CDH22: variants seen among roughly 807,000 people sequenced by gnomAD.
CDH22 encodes the protein cadherin-22.
In CDH22, 30 loss-of-function variants were observed where a neutral mutation model predicts 58.4. That is an observed-to-expected ratio of 0.51 (90% CI 0.38 to 0.70). The LOEUF (loss-of-function observed/expected upper bound fraction) is 0.70. Among genes scored for constraint, CDH22 ranks in the 30% least tolerant of loss-of-function variants. The probability of loss-of-function intolerance (pLI) is 0.00; values close to 1 mark genes in which losing one functional copy is unlikely to be tolerated. For missense variants in CDH22, 1,014 were observed against 1,233.9 expected, an observed-to-expected ratio of 0.82 and a Z score of 2.67; for synonymous variants, 513 against 558.2, an observed-to-expected ratio of 0.92 and a Z score of 1.14.
At chr20:46,199,962 A>C (rs80041503) in intron 7 of CDH22, among the ~76,000 whole-genome samples, 7 of 82,766 alleles carry the variant, frequency 8.5e-5, no homozygotes, top group Non-Finnish European at 8.0e-5. Flanking sequence ...TTTTTTGTTT[A>C]TTTATTTTAT....
intron 2 of CDH22, among the ~76,000 whole-genome samples, chr20:46,246,861 C>T (rs988078919): frequency 2.0e-5 from 3 of 152,164 alleles, no homozygotes; most frequent in Non-Finnish European, 4.4e-5. Flanking sequence ...TTAACTGAAA[C>T]CGTGGTGAAG....
At chr20:46,266,296 G>A (rs1042089409) in intron 1 of CDH22, among the ~76,000 whole-genome samples, 2 of 152,188 alleles carry the variant, frequency 1.3e-5, no homozygotes, top group African/African-American at 2.4e-5. Flanking sequence ...ATGGCTGTCC[G>A]TAGGATGCAC....
At chr20:46,238,021 G>A (rs907883262) in intron 3 of CDH22, among the ~76,000 whole-genome samples, 1 of 152,134 alleles carries the variant, frequency 6.6e-6, no homozygotes, top group Non-Finnish European at 1.5e-5. Context: ...CACCATGGTG[G>A]AGATGAGGCT....
intron 11 of CDH22, 87 bp from the exon 12 acceptor site, chr20:46,175,164 C>CA (rs1251004443): frequency 1.5e-6 from 2 of 1,332,440 alleles, no homozygotes; most frequent in Admixed American, 5.0e-5. Context: ...TCCCGCCTCC[C>CA]ACCCAGCAGA....
intron 7 of CDH22, among the ~76,000 whole-genome samples, chr20:46,201,022 T>G (rs2085957096): frequency 6.6e-6 from 1 of 152,126 alleles, no homozygotes; most frequent in Non-Finnish European, 1.5e-5. Flanking sequence ...TCCGCCTTCT[T>G]CCCGGGCCTT....
chr20:46,285,775 C>A (rs549860919), intron 1 of CDH22, among the ~76,000 whole-genome samples: 2 of 152,294 alleles, frequency 1.3e-5, no homozygotes, highest in Admixed American at 1.3e-4. Flanking sequence ...GACACATATA[C>A]ATTGTGCTCC....
chr20:46,265,863 G>A (rs2086456876), intron 1 of CDH22, among the ~76,000 whole-genome samples: 1 of 149,262 alleles, frequency 6.7e-6, no homozygotes, highest in South Asian at 2.1e-4. Context: ...TTCTCTTCCT[G>A]TTCCACCTCC....
rs552197349 is a variant in CDH22, at chr20:46,205,753, T to G, written c.1286+4554A>C. On this transcript the variant is annotated intron_variant, in intron 7 of 11. Coordinates refer to ENST00000537909, the MANE Select transcript of CDH22 (RefSeq NM_021248.3). The stretch of plus-strand genomic sequence containing the variant: ...ACTGCCTAGAGGATAAAGTCCCACT[T>G]CTTCATGTGGCATTCAATGTCCTTC... 5.9e-5 allele frequency among the ~76,000 whole-genome samples: 9 copies of G among 152,238 alleles called. No homozygotes were observed. In the Middle Eastern group the frequency reaches 0.01, roughly 173 times the overall value.
rs567015099 is a variant in CDH22 at position 46,255,302 on chromosome 20, G to C, written c.-399-3609C>G. ...GCTGGGATTACAGATGTGAGCCACC[G>C]TGCCTGGCCAAGATCCCCACTTTAC... On this transcript the variant is annotated intron_variant, in intron 1 of 11. Transcript: ENST00000537909. 3.3e-3 allele frequency among the ~76,000 whole-genome samples: 505 copies of C among 152,262 alleles called. 2 individuals carry two copies. The highest frequency in any genetic ancestry group is 5.9e-3 in the Non-Finnish European group (399 of 68,018).
rs369007806 is a variant in CDH22 at position 46,174,977 on chromosome 20, G to A, written c.2016C>T (p.Asp672=). The A allele has an allele frequency of 1.2e-6, 2 of 1,605,896 alleles. No individual in the cohort carries two copies. Among genetic ancestry groups the A allele is most frequent in the Admixed American group, 1.7e-5 (1 of 59,852 alleles). Residue 672 remains aspartate (D), a synonymous_variant, in exon 12 of 12, where the codon GAC becomes GAT. Coordinates refer to ENST00000537909, the MANE Select transcript of CDH22 (RefSeq NM_021248.3). This position sits in a 1 kb window ranked among gnomAD's most constrained non-coding sequence, Gnocchi z 4.4. ...CGGTGTCCTGCTCGCCGCCGCCTTCGTCGTTGTATTTGATGACGTTGTCCC... is the reference window on the plus strand; with the variant it reads ...CGGTGTCCTGCTCGCCGCCGCCTTCATCGTTGTATTTGATGACGTTGTCCC... ...DMRDNVIKYN[D]EGGGEQDTEA...
At chr20:46,266,911 CTTTT>C (rs3091411) in intron 1 of CDH22, among the ~76,000 whole-genome samples, 1 of 140,830 alleles carries the variant, frequency 7.1e-6, no homozygotes. Flanking sequence ...CTATAGGGTG[CTTTT>C]TTTTTTTTTT....
At chr20:46,281,655 A>T (rs950052151) in intron 1 of CDH22, among the ~76,000 whole-genome samples, 6 of 152,224 alleles carry the variant, frequency 3.9e-5, no homozygotes, top group African/African-American at 1.2e-4. Context: ...CACAGAGTGC[A>T]TTATTTCGAA....
intron 3 of CDH22, among the ~76,000 whole-genome samples, chr20:46,233,431 CTTTG>C (rs1326709500): frequency 1.3e-5 from 2 of 152,220 alleles, no homozygotes; most frequent in African/African-American, 2.4e-5. Context: ...AATCTAGTGA[CTTTG>C]TTTGTTTCGG....
rs141030697 is a variant in CDH22, at chr20:46,192,921, C to A, written c.1424-5974G>T. Among the ~76,000 whole-genome samples, 430 of 152,170 alleles carry A rather than the reference C, an allele frequency of 2.8e-3. 4 individuals are homozygous for A. Among genetic ancestry groups the A allele is most frequent in the African/African-American group, 1.0e-2 (413 of 41,496 alleles). On this transcript the variant is annotated intron_variant, in intron 8 of 11. Coordinates refer to ENST00000537909, the MANE Select transcript of CDH22 (RefSeq NM_021248.3). ...CTCCCTGCCCTGTCCCCATGCCCCC[C>A]CCCAGTGGGAGCAGGAGGCTCAGGT...
At chr20:46,286,606 G>A (rs1001856017) in intron 1 of CDH22, among the ~76,000 whole-genome samples, 4 of 152,054 alleles carry the variant, frequency 2.6e-5, no homozygotes, top group East Asian at 1.9e-4. Flanking sequence ...CCGATCCCCC[G>A]AGTCTACCAG....
chr20:46,181,568 T>C (rs1280813987), intron 10 of CDH22, among the ~76,000 whole-genome samples: 1 of 151,012 alleles, frequency 6.6e-6, no homozygotes, highest in Non-Finnish European at 1.5e-5. Context: ...GGTAAGGAAT[T>C]TGGGTCATTT....
chr20:46,264,188 T>A (rs1842471734), intron 1 of CDH22, among the ~76,000 whole-genome samples: 1 of 152,160 alleles, frequency 6.6e-6, no homozygotes, highest in South Asian at 2.1e-4. Flanking sequence ...TTCCTCACAA[T>A]AACCCCATAA....
At chr20:46,243,366 G>A (rs2086305836) in intron 2 of CDH22, among the ~76,000 whole-genome samples, 1 of 152,206 alleles carries the variant, frequency 6.6e-6, no homozygotes, top group South Asian at 2.1e-4. Context: ...TGGCGAGTCT[G>A]CTGATTCTCA....
intron 8 of CDH22, among the ~76,000 whole-genome samples, chr20:46,194,513 G>T (rs2085885397): frequency 6.6e-6 from 1 of 152,140 alleles, no homozygotes. Flanking sequence ...TGGAGGATGG[G>T]TATAGGGCTG....
Sources: allele counts gnomAD v4.1 joint callset (sites outside exome capture counted in the v4.1 genomes callset), GRCh38; gene constraint gnomAD v4.1.1; non-coding constraint Gnocchi (gnomAD v3.1); transcripts MANE v1.5; gene names NCBI Gene and HGNC (gene_info 2026-07-23, HGNC 2026-07-21).